The following ARHGAP15 variants were observed in gnomAD, a reference collection of about 807,000 sequenced individuals.
ARHGAP15 encodes the protein rho GTPase-activating protein 15.
A neutral mutation model predicts 63.7 loss-of-function variants in ARHGAP15; 51 were observed. The observed-to-expected ratio is 0.80, with a 90% confidence interval of 0.64 to 1.01. The LOEUF is 1.01. Ranked by LOEUF, ARHGAP15 falls within the 50% of genes least tolerant of loss-of-function variation. The pLI, the probability that ARHGAP15 is intolerant of heterozygous loss-of-function variation, is 0.00. For missense variants in ARHGAP15, 560 were observed against 564.6 expected (o/e 0.99, Z 0.08); for synonymous variants, 191 against 193.8 (o/e 0.99, Z 0.12).
chr2:143,735,564 T>G (rs919802813), intron 13 of ARHGAP15, among the ~76,000 whole-genome samples: 15 of 152,254 alleles, frequency 9.9e-5, no homozygotes, highest in African/African-American at 3.6e-4. Context: ...TCTCAAAAAA[T>G]TATTCTTCTT....
rs927550648 is a variant in ARHGAP15, at chr2:143,755,280, G to T, written c.1245-12709G>T. Among the ~76,000 whole-genome samples, 17 of 150,454 alleles carry T rather than the reference G, an allele frequency of 1.1e-4. 1 individual carries two copies. The highest frequency in any genetic ancestry group is 3.9e-4 in the African/African-American group (16 of 40,766). ...AATGCTTTGCCAGCATATATGGGGG[G>T]GGGGGATCTATACCAAATATCAATA... On this transcript the variant is annotated intron_variant, in intron 13 of 13. Transcript: ENST00000295095.
chr2:143,248,551 T>G (rs1694142549), intron 5 of ARHGAP15, among the ~76,000 whole-genome samples: 1 of 152,178 alleles, frequency 6.6e-6, no homozygotes, highest in Admixed American at 6.5e-5. Context: ...TGGGTAACCT[T>G]GAGGAAATTT....
At chr2:143,622,271 A>T (rs915803568) in intron 11 of ARHGAP15, among the ~76,000 whole-genome samples, 4 of 152,202 alleles carry the variant, frequency 2.6e-5, no homozygotes, top group Non-Finnish European at 4.4e-5. Context: ...ACACAGGTCC[A>T]TTATGAGAAG....
intron 1 of ARHGAP15, among the ~76,000 whole-genome samples, chr2:143,143,444 A>AT (rs1212942574): frequency 1.3e-5 from 2 of 151,732 alleles, no homozygotes; most frequent in East Asian, 1.9e-4. Flanking sequence ...ACTGGCAAAT[A>AT]TTTTTTCACT....
At chr2:143,490,040 C>T (rs899087975) in intron 9 of ARHGAP15, among the ~76,000 whole-genome samples, 20 of 152,164 alleles carry the variant, frequency 1.3e-4, no homozygotes, top group Non-Finnish European at 2.1e-4. Flanking sequence ...CGCTCTGTCG[C>T]CCAGGCTGGA....
intron 11 of ARHGAP15, among the ~76,000 whole-genome samples, chr2:143,619,881 C>T (rs1209327517): frequency 3.3e-5 from 5 of 152,176 alleles, no homozygotes; most frequent in Non-Finnish European, 5.9e-5. Flanking sequence ...TTCTATACAG[C>T]CTGCAGAACT....
chr2:143,325,545 C>T (rs757610396), intron 6 of ARHGAP15, among the ~76,000 whole-genome samples: 4 of 152,062 alleles, frequency 2.6e-5, no homozygotes, highest in East Asian at 1.9e-4. Flanking sequence ...GATTATCAAA[C>T]GGAAAATATT....
At chr2:143,512,550 C>T (rs1210619376) in intron 9 of ARHGAP15, among the ~76,000 whole-genome samples, 1 of 152,238 alleles carries the variant, frequency 6.6e-6, no homozygotes, top group African/African-American at 2.4e-5. Flanking sequence ...CAGTGGATCC[C>T]ATTGAGCTAT....
chr2:143,545,916 G>T (rs941562816), intron 10 of ARHGAP15, among the ~76,000 whole-genome samples: 2 of 152,092 alleles, frequency 1.3e-5, no homozygotes, highest in African/African-American at 4.8e-5. Flanking sequence ...GAAAATGTTC[G>T]CTTTTCAAAC....
intron 10 of ARHGAP15, among the ~76,000 whole-genome samples, chr2:143,524,047 A>G (rs1207266746): frequency 3.9e-5 from 6 of 152,172 alleles, no homozygotes; most frequent in Non-Finnish European, 2.9e-5. Flanking sequence ...ACGAAATACT[A>G]TGACAGGAAT....
chr2:143,436,861 G>A, intron 7 of ARHGAP15, 52 bp from the exon 8 acceptor site: 1 of 1,575,970 alleles, frequency 6.3e-7, no homozygotes. Context: ...ATTCTATGGT[G>A]AATCCTTTCT....
At chr2:143,275,685 G>T (rs1681512950) in intron 6 of ARHGAP15, among the ~76,000 whole-genome samples, 1 of 152,130 alleles carries the variant, frequency 6.6e-6, no homozygotes, top group Non-Finnish European at 1.5e-5. Context: ...TTTATGTAAG[G>T]TAACTTCCAG....
chr2:143,428,316 A>C (rs1279547223), intron 6 of ARHGAP15, among the ~76,000 whole-genome samples: 1 of 151,926 alleles, frequency 6.6e-6, no homozygotes, highest in Non-Finnish European at 1.5e-5. Flanking sequence ...GAAAATGTGG[A>C]GCAGCGGAAG....
At chr2:143,287,962 T>G (rs942713157) in intron 6 of ARHGAP15, among the ~76,000 whole-genome samples, 1 of 152,176 alleles carries the variant, frequency 6.6e-6, no homozygotes, top group Non-Finnish European at 1.5e-5. Context: ...TCTTCCAAAC[T>G]TTAAGAGGTT....
At chr2:143,291,539 A>G (rs1682400925) in intron 6 of ARHGAP15, among the ~76,000 whole-genome samples, 1 of 152,088 alleles carries the variant, frequency 6.6e-6, no homozygotes, top group Non-Finnish European at 1.5e-5. Context: ...CTCTAATTCT[A>G]AAGTACTTCA....
intron 12 of ARHGAP15, among the ~76,000 whole-genome samples, chr2:143,661,808 C>T (rs111932220): frequency 0.13 from 19,601 of 152,102 alleles, 1,349 homozygotes; most frequent in East Asian, 0.2. Flanking sequence ...AAAGGGGTGA[C>T]GGACGCACCT....
At chr2:143,722,326 C>T (rs543775639) in intron 13 of ARHGAP15, among the ~76,000 whole-genome samples, 1 of 152,028 alleles carries the variant, frequency 6.6e-6, no homozygotes, top group Non-Finnish European at 1.5e-5. Context: ...TAATATATAC[C>T]TCATCAGTAT....
intron 12 of ARHGAP15, among the ~76,000 whole-genome samples, chr2:143,666,113 C>T (rs559058582): frequency 6.6e-6 from 1 of 151,856 alleles, no homozygotes; most frequent in South Asian, 2.1e-4. Context: ...ATCCCCAAGG[C>T]AATCCTAAGC....
At chr2:143,207,483 CACACACACATAA>C (rs1462618616) in intron 3 of ARHGAP15, among the ~76,000 whole-genome samples, 1 of 139,448 alleles carries the variant, frequency 7.2e-6, no homozygotes, top group African/African-American at 2.8e-5. Flanking sequence ...CATTGACACA[CACACACACATAA>C]ACACACACAC....
Sources: allele counts gnomAD v4.1 joint callset (sites outside exome capture counted in the v4.1 genomes callset), GRCh38; gene constraint gnomAD v4.1.1; transcripts MANE v1.5; gene names NCBI Gene and HGNC (gene_info 2026-07-23, HGNC 2026-07-21).